Variants in LRRC4C observed in about 807,000 individuals in gnomAD.
LRRC4C encodes the protein leucine rich repeat containing 4C.
In LRRC4C, 5 loss-of-function variants were observed where a neutral mutation model predicts 33.6. The observed-to-expected ratio is 0.15, with a 90% CI of 0.08 to 0.31. The LOEUF (loss-of-function observed/expected upper bound fraction) is 0.31, where lower values mean the gene tolerates loss of function less well. LRRC4C is among the 10% of genes least tolerant of loss of function. LRRC4C has a pLI of 1.00. For missense variants in LRRC4C, 560 were observed against 796.7 expected (o/e 0.70, Z 3.58); for synonymous variants, 329 against 302.0 (o/e 1.09, Z -0.93).
intron 5 of LRRC4C, among the ~76,000 whole-genome samples, chr11:40,186,658 CA>C (rs1397265126): frequency 2.0e-5 from 3 of 152,162 alleles, no homozygotes; most frequent in African/African-American, 7.2e-5. Context: ...TTTGCTCGGC[CA>C]GTAGCACAAT....
chr11:40,382,638 C>CAGT (rs1279332635), intron 3 of LRRC4C, among the ~76,000 whole-genome samples: 1 of 149,066 alleles, frequency 6.7e-6, no homozygotes, highest in Admixed American at 6.7e-5. Context: ...GTAGGCTGTG[C>CAGT]AGTAGATCTC....
chr11:40,497,181 G>A (rs1242409058), intron 3 of LRRC4C, among the ~76,000 whole-genome samples: 2 of 152,040 alleles, frequency 1.3e-5, no homozygotes, highest in African/African-American at 4.8e-5. Context: ...AGAGGCGGGC[G>A]GATCACGAAG....
At chr11:40,403,876 A>C (rs1254373334) in intron 3 of LRRC4C, among the ~76,000 whole-genome samples, 1 of 152,098 alleles carries the variant, frequency 6.6e-6, no homozygotes, top group Non-Finnish European at 1.5e-5. Context: ...GAAAGATGTG[A>C]CACACTTCCA....
chr11:40,592,117 T>C (rs1363962044), intron 3 of LRRC4C, among the ~76,000 whole-genome samples: 2 of 152,206 alleles, frequency 1.3e-5, no homozygotes, highest in African/African-American at 4.8e-5. Context: ...GAAAGTACAA[T>C]GATGGGCCAA....
chr11:41,173,141 G>T (rs142201072), intron 1 of LRRC4C, among the ~76,000 whole-genome samples: 56 of 152,276 alleles, frequency 3.7e-4, no homozygotes, highest in African/African-American at 1.3e-3. Context: ...TATTACAAAT[G>T]ATCCAGTGGG....
chr11:41,043,066 A>G (rs10837559), intron 1 of LRRC4C, among the ~76,000 whole-genome samples: 45,412 of 118,032 alleles, frequency 0.38, 9,127 homozygotes, highest in East Asian at 0.5. Flanking sequence ...TACAGAATAG[A>G]CCTTTTTTTT....
At chr11:40,497,156 AG>A (rs1467729854) in intron 3 of LRRC4C, among the ~76,000 whole-genome samples, 3 of 152,192 alleles carry the variant, frequency 2.0e-5, no homozygotes, top group Non-Finnish European at 4.4e-5. Flanking sequence ...CTGTAATCCC[AG>A]CAATTTGGGA....
chr11:40,352,649 T>G (rs1332873813), intron 3 of LRRC4C, among the ~76,000 whole-genome samples: 1 of 117,792 alleles, frequency 8.5e-6, no homozygotes, highest in Non-Finnish European at 2.0e-5. Flanking sequence ...ATATTCTGTG[T>G]TTGTGAACTT....
intron 4 of LRRC4C, among the ~76,000 whole-genome samples, chr11:40,256,026 C>G (rs1371969703): frequency 6.6e-6 from 1 of 152,188 alleles, no homozygotes; most frequent in Non-Finnish European, 1.5e-5. Flanking sequence ...ACAGAGTTTC[C>G]TATTATGACC....
intron 1 of LRRC4C, among the ~76,000 whole-genome samples, chr11:41,280,181 A>G (rs913288063): frequency 3.3e-5 from 5 of 152,214 alleles, no homozygotes; most frequent in African/African-American, 1.2e-4. Context: ...TTGAAGGAAT[A>G]AATGCCTAAA....
chr11:40,476,811 G>C (rs1953259694), intron 3 of LRRC4C, among the ~76,000 whole-genome samples: 1 of 152,090 alleles, frequency 6.6e-6, no homozygotes, highest in Admixed American at 6.6e-5. Context: ...CTTGGTTCAT[G>C]CATTATAAAC....
chr11:40,330,085 A>G (rs908987056), intron 3 of LRRC4C, among the ~76,000 whole-genome samples: 19 of 152,148 alleles, frequency 1.2e-4, no homozygotes, highest in African/African-American at 3.6e-4. Context: ...TCAGAATCCA[A>G]TGAGTCATAC....
At chr11:40,951,534 C>T (rs896911372) in intron 1 of LRRC4C, among the ~76,000 whole-genome samples, 3 of 151,964 alleles carry the variant, frequency 2.0e-5, no homozygotes, top group African/African-American at 7.2e-5. Context: ...CATACAGAAA[C>T]TGTACAGATA....
intron 1 of LRRC4C, among the ~76,000 whole-genome samples, chr11:41,250,987 A>G (rs1196379029): frequency 6.6e-6 from 1 of 152,182 alleles, no homozygotes; most frequent in Non-Finnish European, 1.5e-5. Context: ...GTTCTCTTAT[A>G]TTTTACATGA....
chr11:40,737,577 A>G (rs1947943010), intron 2 of LRRC4C, among the ~76,000 whole-genome samples: 1 of 56,784 alleles, frequency 1.8e-5, no homozygotes, highest in Non-Finnish European at 5.0e-5. Flanking sequence ...CACCAATAAT[A>G]AAAAAAAACA....
intron 1 of LRRC4C, among the ~76,000 whole-genome samples, chr11:41,034,889 T>G (rs1240172971): frequency 6.6e-6 from 1 of 150,622 alleles, no homozygotes. Context: ...TCATGTTTTA[T>G]TTTATACTAT....
intron 1 of LRRC4C, among the ~76,000 whole-genome samples, chr11:41,302,825 G>C (rs1950322706): frequency 6.6e-6 from 1 of 152,016 alleles, no homozygotes; most frequent in South Asian, 2.1e-4. Context: ...TTGTGACCTA[G>C]AATATCACAA....
chr11:41,305,575 C>T (rs918887782), intron 1 of LRRC4C, among the ~76,000 whole-genome samples: 11 of 56,606 alleles, frequency 1.9e-4, no homozygotes, highest in African/African-American at 4.3e-4. Context: ...ATTCCTCTGC[C>T]TTGGGATCCT....
At chr11:40,987,977 C>A (rs1853196102) in intron 1 of LRRC4C, among the ~76,000 whole-genome samples, 1 of 152,008 alleles carries the variant, frequency 6.6e-6, no homozygotes, top group South Asian at 2.1e-4. Context: ...CCCAGCTGAA[C>A]TCTTTGTGCC....
Sources: allele counts gnomAD v4.1 joint callset (sites outside exome capture counted in the v4.1 genomes callset), GRCh38; gene constraint gnomAD v4.1.1; transcripts MANE v1.5; gene names NCBI Gene and HGNC (gene_info 2026-07-23, HGNC 2026-07-21).